The following ZFHX3 variants were observed in gnomAD, a reference collection of about 807,000 sequenced individuals.
The protein encoded by ZFHX3 is zinc finger homeobox protein 3.
ZFHX3 carries 42 observed loss-of-function variants against 279.1 expected under a neutral mutation model. The ratio of observed to expected loss-of-function variants is 0.15; its 90% confidence interval spans 0.12 to 0.19. The LOEUF is 0.19. ZFHX3 is among the 10% of genes least tolerant of loss of function. The pLI, the probability that ZFHX3 is intolerant of heterozygous loss-of-function variation, is 1.00. For synonymous variants in ZFHX3, 2,293 were observed against 1,957.8 expected (o/e 1.17, Z -4.52); for missense variants, 4,981 against 4,754.0 (o/e 1.05, Z -1.40).
intron 5 of ZFHX3, among the ~76,000 whole-genome samples, chr16:73,231,130 G>C (rs967629163): frequency 1.3e-5 from 2 of 152,218 alleles, no homozygotes; most frequent in Non-Finnish European, 2.9e-5. Flanking sequence ...AATGGCCTGA[G>C]AGAGCTGGAA....
At chr16:73,329,119 A>G (rs2015749475) in intron 3 of ZFHX3, among the ~76,000 whole-genome samples, 1 of 152,234 alleles carries the variant, frequency 6.6e-6, no homozygotes, top group South Asian at 2.1e-4. Context: ...TGTCTAGTTA[A>G]AACAAAACCT....
intron 1 of ZFHX3, among the ~76,000 whole-genome samples, chr16:72,977,611 C>A (rs576494405): frequency 1.3e-5 from 2 of 152,168 alleles, no homozygotes; most frequent in East Asian, 3.9e-4. Context: ...AATCACTCTC[C>A]ACACAGCTCT....
intron 2 of ZFHX3, among the ~76,000 whole-genome samples, chr16:73,460,159 G>C (rs1295950735): frequency 6.6e-6 from 1 of 152,050 alleles, no homozygotes; most frequent in Non-Finnish European, 1.5e-5. Context: ...CTACTCCTCT[G>C]TTCTCCATAT....
chr16:73,019,690 G>A (rs1382466989), intron 1 of ZFHX3, among the ~76,000 whole-genome samples: 2 of 152,146 alleles, frequency 1.3e-5, no homozygotes, highest in Non-Finnish European at 2.9e-5. Flanking sequence ...AGGAAGCAAC[G>A]TCTCAGTCCA....
chr16:72,918,907 A>G (rs1369437866), intron 3 of ZFHX3, among the ~76,000 whole-genome samples: 1 of 152,026 alleles, frequency 6.6e-6, no homozygotes, highest in East Asian at 1.9e-4. Flanking sequence ...TGTGTTAGCC[A>G]GGATGGTCTC....
At position 72,858,867 on chromosome 16, in the gene ZFHX3, G is replaced by A. The variant is rs74028115; in HGVS notation, c.3449-29008C>T. Among the ~76,000 whole-genome samples, 597 of 152,320 alleles carry A rather than the reference G, an allele frequency of 3.9e-3. 6 individuals are homozygous for A. Among genetic ancestry groups the A allele is most frequent in the African/African-American group, 0.013 (559 of 41,586 alleles). On this transcript the variant is annotated intron_variant, in intron 4 of 9. Coordinates refer to ENST00000268489, the MANE Select transcript of ZFHX3 (RefSeq NM_006885.4). Reference sequence around the variant, plus strand: ...TGGCCTCCCTTCTGGAAAGCCGGCCGGGTCTCCTGCTCAGCTTCAGGCCAA... The same window carrying A: ...TGGCCTCCCTTCTGGAAAGCCGGCCAGGTCTCCTGCTCAGCTTCAGGCCAA...
At chr16:73,393,157 A>G (rs2017054751) in intron 3 of ZFHX3, among the ~76,000 whole-genome samples, 1 of 152,150 alleles carries the variant, frequency 6.6e-6, no homozygotes, top group East Asian at 1.9e-4. Flanking sequence ...TCATTGGCTC[A>G]CAGCTCAGCA....
At chr16:72,863,750 G>T (rs377505931) in intron 4 of ZFHX3, among the ~76,000 whole-genome samples, 2 of 152,076 alleles carry the variant, frequency 1.3e-5, no homozygotes, top group East Asian at 3.9e-4. Flanking sequence ...TCCAACTCAG[G>T]AACACAGATG....
intron 3 of ZFHX3, among the ~76,000 whole-genome samples, chr16:72,916,403 T>C (rs4788673): frequency 0.68 from 103,350 of 152,102 alleles, 37,181 homozygotes; most frequent in African/African-American, 0.91. Context: ...AAAGTCAACA[T>C]GGAGGAAAAT....
At chr16:73,785,920 G>C (rs568746458) in intron 1 of ZFHX3, among the ~76,000 whole-genome samples, 2 of 152,034 alleles carry the variant, frequency 1.3e-5, no homozygotes, top group African/African-American at 4.8e-5. Context: ...TCCCAGGCTG[G>C]AGTGCAATGG....
chr16:73,054,195 T>C lies in ZFHX3; in HGVS notation c.-24+4335A>G, dbSNP rs572282191. 2.0e-5 allele frequency among the ~76,000 whole-genome samples: 3 copies of C among 152,240 alleles called. No homozygotes were observed. The East Asian group carries it at 5.8e-4, about 29-fold the overall frequency. On this transcript the variant is annotated intron_variant, in intron 1 of 8. Coordinates refer to the ZFHX3 transcript ENST00000397992. Reference sequence around the variant, plus strand: ...TTTCACTTAATACAAGGCCAGACAGTGTTGTCTAATGAGGTAGCATTACAA... The same window carrying C: ...TTTCACTTAATACAAGGCCAGACAGCGTTGTCTAATGAGGTAGCATTACAA...
chr16:73,172,912 C>G (rs1159311130), intron 5 of ZFHX3, among the ~76,000 whole-genome samples: 1 of 142,532 alleles, frequency 7.0e-6, no homozygotes, highest in Non-Finnish European at 1.5e-5. Flanking sequence ...CTTGATTTCT[C>G]ATGGTGGGGC....
intron 1 of ZFHX3, among the ~76,000 whole-genome samples, chr16:73,704,987 C>T (rs1597074360): frequency 6.6e-6 from 1 of 152,268 alleles, no homozygotes; most frequent in East Asian, 1.9e-4. Context: ...AATACTCCCA[C>T]CATGGCTGAT....
chr16:73,784,783 A>ACAACAAC (rs58239690), intron 1 of ZFHX3, among the ~76,000 whole-genome samples: 2 of 100,186 alleles, frequency 2.0e-5, no homozygotes, highest in African/African-American at 6.7e-5. Flanking sequence ...ATTTTTAACA[A>ACAACAAC]AATAAAAAAA....
chr16:73,252,024 G>A (rs75030840), intron 5 of ZFHX3, among the ~76,000 whole-genome samples: 2,782 of 146,188 alleles, frequency 0.019, 31 homozygotes, highest in East Asian at 0.048. Context: ...TATGTCTTTG[G>A]GGGTCAGTGA....
chr16:73,375,758 T>C (rs963781492), intron 3 of ZFHX3, among the ~76,000 whole-genome samples: 6 of 152,200 alleles, frequency 3.9e-5, no homozygotes, highest in Non-Finnish European at 8.8e-5. Flanking sequence ...AGACACCCAA[T>C]AGTCCCAGGA....
chr16:73,008,592 G>A (rs1278162171), intron 1 of ZFHX3, among the ~76,000 whole-genome samples: 1 of 152,178 alleles, frequency 6.6e-6, no homozygotes, highest in Non-Finnish European at 1.5e-5. Context: ...AGCAACACAA[G>A]GAGAGAGGGA....
At chr16:73,848,341 G>A (rs1021567768) in intron 1 of ZFHX3, among the ~76,000 whole-genome samples, 2 of 152,196 alleles carry the variant, frequency 1.3e-5, no homozygotes, top group East Asian at 3.9e-4. Flanking sequence ...GCTCAGGACT[G>A]AACCTAGGCA....
chr16:73,864,718 T>A (rs1961967696), intron 1 of ZFHX3, among the ~76,000 whole-genome samples: 1 of 141,878 alleles, frequency 7.0e-6, no homozygotes, highest in Non-Finnish European at 1.5e-5. Context: ...AGACTCTGTC[T>A]CAATCAATCA....
Sources: gnomAD v4.1 joint callset for allele counts (sites outside exome capture counted in the v4.1 genomes callset) on GRCh38, gnomAD v4.1.1 for gene constraint, MANE v1.5 for transcripts, NCBI Gene and HGNC (gene_info 2026-07-23, HGNC 2026-07-21) for gene names.